The following RASGEF1A variants were observed in gnomAD, a reference collection of about 807,000 sequenced individuals.
RASGEF1A encodes the protein ras-GEF domain-containing family member 1A.
A neutral mutation model predicts 56.4 loss-of-function variants in RASGEF1A; 18 were observed. That is an observed-to-expected ratio of 0.32 (90% CI 0.22 to 0.47). The LOEUF is 0.47. Among genes scored for constraint, RASGEF1A ranks in the 20% least tolerant of loss-of-function variants. RASGEF1A has a pLI of 1.00. For missense variants in RASGEF1A, 422 were observed against 627.1 expected, an observed-to-expected ratio of 0.67 and a Z score of 3.49; for synonymous variants, 245 against 242.6, an observed-to-expected ratio of 1.01 and a Z score of -0.09.
At chr10:43,205,239 A>G (rs575790802) in intron 2 of RASGEF1A, among the ~76,000 whole-genome samples, 2 of 152,284 alleles carry the variant, frequency 1.3e-5, no homozygotes, top group African/African-American at 4.8e-5. Flanking sequence ...GTAGATGCTC[A>G]GCTCACAAGA....
rs1254832198 is a variant in RASGEF1A at position 43,200,799 on chromosome 10, T to C, written c.549A>G (p.Arg183=). The change falls in exon 5 of 13, where the codon CGA becomes CGG. Residue 183 remains arginine (R), a synonymous_variant. Coordinates refer to ENST00000395810, the MANE Select transcript of RASGEF1A (RefSeq NM_145313.4). ...LAARSQLQEL[R]EKLRPPAVDK... is the part of the protein sequence containing the mutation. ...CTACAGCCGGTGGCCGGAGCTTCTC[T>C]CGCAGTTCCTGGAGCTGGCTCCGGG... 2 of 1,613,826 alleles carry C rather than the reference T, an allele frequency of 1.2e-6. No homozygotes were observed. The highest frequency in any genetic ancestry group is 8.5e-7 in the Non-Finnish European group (1 of 1,180,040).
intron 1 of RASGEF1A, among the ~76,000 whole-genome samples, chr10:43,217,090 C>T (rs1018872540): frequency 6.6e-6 from 1 of 152,182 alleles, no homozygotes; most frequent in African/African-American, 2.4e-5. Context: ...GGGCCACCCC[C>T]ACCTACTGGA....
At chr10:43,208,153 A>G in intron 1 of RASGEF1A, 1 of 985,460 alleles carries the variant, frequency 1.0e-6, no homozygotes, top group Non-Finnish European at 1.2e-6. Context: ...CCCCAAGATC[A>G]CACAGTTCTG....
intron 1 of RASGEF1A, among the ~76,000 whole-genome samples, chr10:43,255,080 C>A (rs1840673260): frequency 2.6e-5 from 4 of 152,188 alleles, no homozygotes; most frequent in Admixed American, 2.6e-4. Flanking sequence ...GCCCCAGCCA[C>A]CACCTGGTCT....
rs754631497 is a variant in RASGEF1A at position 43,200,782 on chromosome 10, G to A, written c.566C>T (p.Pro189Leu). 23 of 1,613,794 alleles carry A rather than the reference G, an allele frequency of 1.4e-5. No individual in the cohort carries two copies. The highest frequency in any genetic ancestry group is 9.3e-5 in the African/African-American group (7 of 74,942). Residue 189 changes from proline (P) to leucine (L), a missense_variant, in exon 5 of 13, where the codon CCG becomes CTG. Transcript: ENST00000395810. ...LQELREKLRP[P>L]AVDKGPILKT... ...GAGGATGGGCCCCTTGTCTACAGCC[G>A]GTGGCCGGAGCTTCTCTCGCAGTTC...
intron 1 of RASGEF1A, among the ~76,000 whole-genome samples, chr10:43,231,848 A>G (rs1374078518): frequency 3.3e-5 from 5 of 152,246 alleles, no homozygotes; most frequent in Non-Finnish European, 7.3e-5. Flanking sequence ...GTGGGCCCTG[A>G]GGCAGAATCC....
At chr10:43,242,008 G>A (rs1840507574) in intron 1 of RASGEF1A, among the ~76,000 whole-genome samples, 1 of 152,066 alleles carries the variant, frequency 6.6e-6, no homozygotes, top group Non-Finnish European at 1.5e-5. Context: ...CATGGTGGTG[G>A]GCACCTGTAG....
At chr10:43,250,431 C>T (rs528097180) in intron 1 of RASGEF1A, among the ~76,000 whole-genome samples, 16 of 152,350 alleles carry the variant, frequency 1.1e-4, no homozygotes, top group Admixed American at 8.5e-4. Context: ...GTGCCAATTC[C>T]GCCTGTTGCT....
chr10:43,205,816 T>C, intron 2 of RASGEF1A, 103 bp downstream of exon 2: 1 of 963,842 alleles, frequency 1.0e-6, no homozygotes, highest in East Asian at 2.6e-5. Context: ...CCTGCAGCCC[T>C]GTCCAGCTCT....
At chr10:43,229,068 A>T (rs955455742) in intron 1 of RASGEF1A, among the ~76,000 whole-genome samples, 1 of 152,184 alleles carries the variant, frequency 6.6e-6, no homozygotes, top group African/African-American at 2.4e-5. Context: ...GGTCCTCTCC[A>T]GGACCAGTTC....
At chr10:43,257,149 G>A (rs1836430360) in intron 1 of RASGEF1A, among the ~76,000 whole-genome samples, 1 of 152,210 alleles carries the variant, frequency 6.6e-6, no homozygotes, top group African/African-American at 2.4e-5. Flanking sequence ...GGGTGAGGGT[G>A]AGCAGCACCT....
chr10:43,256,241 G>C (rs1316385487), intron 1 of RASGEF1A, among the ~76,000 whole-genome samples: 1 of 152,198 alleles, frequency 6.6e-6, no homozygotes, highest in Non-Finnish European at 1.5e-5. Context: ...GCGGGGGCAG[G>C]TGCGGCAGGT....
intron 1 of RASGEF1A, among the ~76,000 whole-genome samples, chr10:43,259,007 C>T (rs1038781106): frequency 3.9e-5 from 6 of 152,220 alleles, no homozygotes; most frequent in South Asian, 2.1e-4. Context: ...GTCTCTGGTT[C>T]CCCCATCTCT....
intron 5 of RASGEF1A, 33 bp from the exon 6 acceptor site, chr10:43,200,289 A>G (rs1220202508): frequency 3.2e-6 from 5 of 1,567,380 alleles, no homozygotes; most frequent in Admixed American, 3.6e-5. Context: ...GAAGGTGACA[A>G]GCTTCCCCTG....
chr10:43,214,544 C>A (rs974321332), intron 1 of RASGEF1A, among the ~76,000 whole-genome samples: 35 of 152,164 alleles, frequency 2.3e-4, no homozygotes, highest in Non-Finnish European at 2.9e-5. Context: ...GGTAACTGGC[C>A]ATCCTCCAAC....
At position 43,234,123 on chromosome 10, in the gene RASGEF1A, C is replaced by T. The variant is rs370712961; in HGVS notation, c.-6-28001G>A. Among the ~76,000 whole-genome samples the T allele has an allele frequency of 2.4e-3, 369 of 152,256 alleles. 4 individuals carry two copies. Among genetic ancestry groups the T allele is most frequent in the African/African-American group, 7.8e-3 (325 of 41,548 alleles). On this transcript the variant is annotated intron_variant, in intron 1 of 12. Transcript: ENST00000395810. Reference sequence around the variant, plus strand: ...ATCTGGGTGTCCCTGCGGAGTCACCCCATGAAAAATCACCAAGTGTACACT... The same window carrying T: ...ATCTGGGTGTCCCTGCGGAGTCACCTCATGAAAAATCACCAAGTGTACACT...
At chr10:43,202,059 A>C in intron 3 of RASGEF1A, 114 bp from the exon 4 acceptor site, 1 of 1,168,572 alleles carries the variant, frequency 8.6e-7, no homozygotes, top group Non-Finnish European at 1.2e-6. Flanking sequence ...TGTGCTGGGC[A>C]CAGCCCCCAA....
chr10:43,229,794 G>A (rs1840337051), intron 1 of RASGEF1A: 1 of 1,240,546 alleles, frequency 8.1e-7, no homozygotes, highest in African/African-American at 1.6e-5. Flanking sequence ...GTGGGACCCC[G>A]GAAGCAGGGA....
In RASGEF1A at chr10:43,246,771, C is replaced by A. The variant is rs1218923898; in HGVS notation, c.-7+20074G>T. Among the ~76,000 whole-genome samples the A allele has an allele frequency of 1.1e-4, 17 of 152,170 alleles. 1 individual carries two copies. Among genetic ancestry groups the A allele is most frequent in the Admixed American group, 1.1e-3 (17 of 15,278 alleles). On this transcript the variant is annotated intron_variant, in intron 1 of 12. Transcript: ENST00000395810. ...CTCGTACCACATATAAAAATGAATT[C>A]CAATGGATCAAAGACATAAATGCAA...
Sources: allele counts gnomAD v4.1 joint callset (sites outside exome capture counted in the v4.1 genomes callset), GRCh38; gene constraint gnomAD v4.1.1; transcripts MANE v1.5; gene names NCBI Gene and HGNC (gene_info 2026-07-23, HGNC 2026-07-21).